SPMIP3: variants seen among roughly 807,000 people sequenced by gnomAD.
SPMIP3 encodes the protein protein SPMIP3.
the SPMIP3 span, among the ~76,000 whole-genome samples, chr1:244,376,996 C>T: frequency 2.6e-5 from 4 of 151,294 alleles, no homozygotes; most frequent in African/African-American, 7.3e-5. Context: ...TTAGTAGAGA[C>T]GGGGTTTCAC....
chr1:244,385,132 A>T, the SPMIP3 span, among the ~76,000 whole-genome samples: 1 of 152,134 alleles, frequency 6.6e-6, no homozygotes, highest in African/African-American at 2.4e-5. Context: ...ACCTCAGGTG[A>T]TCCACCCGCC....
the SPMIP3 span, chr1:244,364,903 G>A: frequency 1.2e-6 from 1 of 841,216 alleles, no homozygotes; most frequent in South Asian, 1.6e-5. Context: ...TTCCTGATGA[G>A]CAGGTCTGTG....
At chr1:244,371,197 A>T in the SPMIP3 span, among the ~76,000 whole-genome samples, 12 of 152,218 alleles carry the variant, frequency 7.9e-5, no homozygotes, top group South Asian at 4.1e-4. Flanking sequence ...AAGCCAAGCC[A>T]TCAGGGACTC....
At chr1:244,368,665 C>T in the SPMIP3 span, among the ~76,000 whole-genome samples, 1 of 152,220 alleles carries the variant, frequency 6.6e-6, no homozygotes, top group Non-Finnish European at 1.5e-5. Context: ...GTTATCCAAT[C>T]GTTTATGTGT....
chr1:244,356,255 G>C, the SPMIP3 span, among the ~76,000 whole-genome samples: 1 of 152,198 alleles, frequency 6.6e-6, no homozygotes, highest in African/African-American at 2.4e-5. Context: ...TACGATGCTA[G>C]CTGTAGGTTT....
At chr1:244,378,648 G>A in the SPMIP3 span, 4 of 1,609,942 alleles carry the variant, frequency 2.5e-6, no homozygotes, top group Non-Finnish European at 2.5e-6. Context: ...TGGTAAGTCA[G>A]GCCAACTGCT....
the SPMIP3 span, among the ~76,000 whole-genome samples, chr1:244,362,298 T>G: frequency 6.6e-6 from 1 of 152,248 alleles, no homozygotes; most frequent in Non-Finnish European, 1.5e-5. Context: ...GCTGATGGTC[T>G]GGGTGCCTTG....
At chr1:244,372,094 C>T in the SPMIP3 span, among the ~76,000 whole-genome samples, 100 of 152,306 alleles carry the variant, frequency 6.6e-4, no homozygotes, top group Admixed American at 1.8e-3. Context: ...CCACTCAGAA[C>T]CTAATTCTGT....
the SPMIP3 span, among the ~76,000 whole-genome samples, chr1:244,361,436 C>T: frequency 6.6e-6 from 1 of 151,920 alleles, no homozygotes; most frequent in Non-Finnish European, 1.5e-5. Context: ...ATCATGTTGG[C>T]CAGGCTGGTC....
the SPMIP3 span, chr1:244,364,907 G>C: frequency 1.2e-6 from 1 of 838,902 alleles, no homozygotes; most frequent in East Asian, 2.6e-5. Context: ...TGATGAGCAG[G>C]TCTGTGCAAA....
chr1:244,353,181 G>T, the SPMIP3 span, among the ~76,000 whole-genome samples: 1 of 152,142 alleles, frequency 6.6e-6, no homozygotes, highest in African/African-American at 2.4e-5. Flanking sequence ...GAAGATCGTG[G>T]CCACCAAACG....
the SPMIP3 span, among the ~76,000 whole-genome samples, chr1:244,365,396 C>T: frequency 6.6e-4 from 100 of 152,260 alleles, no homozygotes; most frequent in Middle Eastern, 3.4e-3. Flanking sequence ...ATAAGTCTCA[C>T]GAGATCTGAT....
chr1:244,377,270 C>G, the SPMIP3 span, among the ~76,000 whole-genome samples: 1 of 151,876 alleles, frequency 6.6e-6, no homozygotes, highest in Non-Finnish European at 1.5e-5. Flanking sequence ...TACAGGCACC[C>G]GCCACCATGC....
chr1:244,360,883 C>CAA, the SPMIP3 span, among the ~76,000 whole-genome samples: 96,508 of 137,600 alleles, frequency 0.7, 33,540 homozygotes, highest in South Asian at 0.79. Flanking sequence ...GACTCCGTCT[C>CAA]AAAAAAAAAA....
the SPMIP3 span, among the ~76,000 whole-genome samples, chr1:244,365,709 ACACT>A: frequency 6.6e-6 from 1 of 152,184 alleles, no homozygotes; most frequent in Non-Finnish European, 1.5e-5. Flanking sequence ...AAGAAGCCTC[ACACT>A]CACTGCAGAA....
the SPMIP3 span, among the ~76,000 whole-genome samples, chr1:244,365,408 G>A: frequency 6.6e-6 from 1 of 152,256 alleles, no homozygotes; most frequent in Non-Finnish European, 1.5e-5. Context: ...AGATCTGATG[G>A]TTTTATAAGT....
At chr1:244,361,724 T>C in the SPMIP3 span, among the ~76,000 whole-genome samples, 1 of 152,154 alleles carries the variant, frequency 6.6e-6, no homozygotes, top group Non-Finnish European at 1.5e-5. Flanking sequence ...AAAATAAAAA[T>C]TTTTGTTAAA....
chr1:244,359,140 CAAAAAA>C, the SPMIP3 span, among the ~76,000 whole-genome samples: 614 of 133,196 alleles, frequency 4.6e-3, 8 homozygotes, highest in African/African-American at 0.016. Flanking sequence ...TGATTAATGG[CAAAAAA>C]AAAAAAAAAA....
chr1:244,389,250 T>G, the SPMIP3 span: 1 of 475,440 alleles, frequency 2.1e-6, no homozygotes, highest in Non-Finnish European at 3.8e-6. Flanking sequence ...AATCAAGATC[T>G]ATCCTTAAGA....
Sources: allele counts gnomAD v4.1 joint callset (sites outside exome capture counted in the v4.1 genomes callset), GRCh38; gene constraint gnomAD v4.1.1; transcripts MANE v1.5; gene names NCBI Gene and HGNC (gene_info 2026-07-23, HGNC 2026-07-21).